PDE1A: variants seen among roughly 807,000 people sequenced by gnomAD.
PDE1A encodes phosphodiesterase 1A, also known as dual specificity calcium/calmodulin-dependent 3',5'-cyclic nucleotide phosphodiesterase 1A.
In PDE1A, 35 loss-of-function variants were observed where a neutral mutation model predicts 61.7. That is an observed-to-expected ratio of 0.57 (90% confidence interval 0.43 to 0.75). The LOEUF (loss-of-function observed/expected upper bound fraction) is 0.75, where lower values mean the gene tolerates loss of function less well. PDE1A is among the 30% of genes least tolerant of loss of function. PDE1A has a pLI of 0.00. For missense variants in PDE1A, 597 were observed against 630.6 expected (o/e 0.95, Z 0.57); for synonymous variants, 232 against 213.2 (o/e 1.09, Z -0.77).
intron 2 of PDE1A, among the ~76,000 whole-genome samples, chr2:182,457,512 T>C (rs34744930): frequency 0.18 from 27,672 of 151,904 alleles, 3,039 homozygotes; most frequent in Middle Eastern, 0.35. Flanking sequence ...TTCTAGATTC[T>C]TCAAGTCAAC....
chr2:182,713,125 T>C, the PDE1A span, among the ~76,000 whole-genome samples: 1 of 152,212 alleles, frequency 6.6e-6, no homozygotes, highest in East Asian at 1.9e-4. Flanking sequence ...TTGCCTAATT[T>C]TTTGCCCATA....
At chr2:182,581,599 C>CA in the PDE1A span, among the ~76,000 whole-genome samples, 1 of 152,206 alleles carries the variant, frequency 6.6e-6, no homozygotes, top group Non-Finnish European at 1.5e-5. Context: ...GGTTAACTGT[C>CA]AGTCTTCCCT....
At chr2:182,667,582 A>G in the PDE1A span, among the ~76,000 whole-genome samples, 1 of 152,202 alleles carries the variant, frequency 6.6e-6, no homozygotes, top group Admixed American at 6.5e-5. Flanking sequence ...GCACCCATAT[A>G]ACAAATCATT....
intron 13 of PDE1A, 32 bp downstream of exon 13, chr2:182,185,860 A>G: frequency 6.2e-7 from 1 of 1,612,864 alleles, no homozygotes; most frequent in Non-Finnish European, 8.5e-7. Flanking sequence ...AGACAGAGAG[A>G]GATGGCAGTA....
At chr2:182,695,097 G>T in the PDE1A span, among the ~76,000 whole-genome samples, 21 of 152,036 alleles carry the variant, frequency 1.4e-4, no homozygotes, top group East Asian at 1.9e-3. Flanking sequence ...TTCTTTGAAA[G>T]GCATATTTTA....
chr2:182,330,300 T>C (rs1423957264), intron 1 of PDE1A, among the ~76,000 whole-genome samples: 1 of 150,624 alleles, frequency 6.6e-6, no homozygotes, highest in Non-Finnish European at 1.5e-5. Flanking sequence ...GCCAAGATCA[T>C]GCCATTTCAC....
chr2:182,487,337 C>T (rs763814717), intron 2 of PDE1A, among the ~76,000 whole-genome samples: 8 of 152,044 alleles, frequency 5.3e-5, no homozygotes, highest in Non-Finnish European at 1.0e-4. Flanking sequence ...GTTGTATGGC[C>T]GCTCTGGAAG....
At chr2:182,449,315 C>CAG (rs980449519) in intron 2 of PDE1A, among the ~76,000 whole-genome samples, 3 of 147,014 alleles carry the variant, frequency 2.0e-5, no homozygotes, top group East Asian at 2.0e-4. Context: ...AAGAAAGAGA[C>CAG]AGAGAGAGAG....
chr2:182,386,146 G>A (rs932023809), intron 1 of PDE1A, among the ~76,000 whole-genome samples: 1 of 152,202 alleles, frequency 6.6e-6, no homozygotes, highest in Non-Finnish European at 1.5e-5. Context: ...TTCACTCAGT[G>A]CTCAATGTTG....
chr2:182,220,591 G>A (rs1038558400), intron 7 of PDE1A, among the ~76,000 whole-genome samples: 9 of 152,070 alleles, frequency 5.9e-5, no homozygotes. Flanking sequence ...GCAACATCCA[G>A]TATCCATGGT....
At chr2:182,145,385 C>T (rs751783772), downstream of PDE1A, among the ~76,000 whole-genome samples, 8 of 152,020 alleles carry the variant, frequency 5.3e-5, no homozygotes, top group African/African-American at 1.9e-4. Context: ...ATTGCCAAAT[C>T]GTCTGCTCGG....
chr2:182,639,403 T>C, the PDE1A span, among the ~76,000 whole-genome samples: 1 of 151,854 alleles, frequency 6.6e-6, no homozygotes, highest in Admixed American at 6.6e-5. Flanking sequence ...ACCCGTCTCT[T>C]ACAAAAATAC....
At chr2:182,595,630 C>T in the PDE1A span, among the ~76,000 whole-genome samples, 2 of 152,222 alleles carry the variant, frequency 1.3e-5, no homozygotes, top group African/African-American at 4.8e-5. Flanking sequence ...ACCCATAAGG[C>T]TGTCTCTTTC....
chr2:182,547,500 T>C, the PDE1A span, among the ~76,000 whole-genome samples: 2 of 152,212 alleles, frequency 1.3e-5, no homozygotes, highest in Non-Finnish European at 2.9e-5. Flanking sequence ...CATCAGAATT[T>C]ACTTCGTGTA....
chr2:182,197,414 T>G (rs1387242685), intron 10 of PDE1A, among the ~76,000 whole-genome samples: 8 of 151,696 alleles, frequency 5.3e-5, no homozygotes, highest in Non-Finnish European at 8.9e-5. Flanking sequence ...TTTTTTCCAC[T>G]TCATTTTTTT....
downstream of PDE1A, among the ~76,000 whole-genome samples, chr2:182,163,196 A>G (rs1206699923): frequency 6.6e-6 from 1 of 152,250 alleles, no homozygotes; most frequent in East Asian, 1.9e-4. Flanking sequence ...GCTACACCCA[A>G]TGTAGTTTCA....
chr2:182,641,254 T>C, the PDE1A span, among the ~76,000 whole-genome samples: 93,366 of 151,716 alleles, frequency 0.62, 28,951 homozygotes, highest in Admixed American at 0.71. Context: ...ACTAGGCATA[T>C]GGGGGAAAAG....
chr2:182,329,752 G>A (rs80104025), intron 1 of PDE1A, among the ~76,000 whole-genome samples: 3,195 of 152,190 alleles, frequency 0.021, 64 homozygotes, highest in South Asian at 0.038. Flanking sequence ...CCACTCCAGG[G>A]ACCACTCCTA....
At chr2:182,648,919 T>C in the PDE1A span, among the ~76,000 whole-genome samples, 1 of 152,120 alleles carries the variant, frequency 6.6e-6, no homozygotes, top group African/African-American at 2.4e-5. Flanking sequence ...GCCACCTAAA[T>C]ATGAGCAATT....
Sources: gnomAD v4.1 joint callset for allele counts (sites outside exome capture counted in the v4.1 genomes callset) on GRCh38, gnomAD v4.1.1 for gene constraint, MANE v1.5 for transcripts, NCBI Gene and HGNC (gene_info 2026-07-23, HGNC 2026-07-21) for gene names.